LRMDA: variants seen among roughly 807,000 people sequenced by gnomAD.
LRMDA encodes leucine-rich melanocyte differentiation-associated protein.
Under a neutral mutation model 29.8 loss-of-function variants are expected in LRMDA, and 18 were observed. That is an observed-to-expected ratio of 0.60 (90% CI 0.42 to 0.90). LRMDA has a LOEUF of 0.90. Ranked by LOEUF, LRMDA falls within the 40% of genes least tolerant of loss-of-function variation. The pLI is 0.00. For synonymous variants in LRMDA, 125 were observed against 109.4 expected (o/e 1.14, Z -0.89); for missense variants, 273 against 273.9 (o/e 1.00, Z 0.02).
At chr10:75,665,007 CTT>C (rs768396028) in intron 2 of LRMDA, among the ~76,000 whole-genome samples, 1 of 152,310 alleles carries the variant, frequency 6.6e-6, no homozygotes, top group Middle Eastern at 3.4e-3. Flanking sequence ...GGTTCAGTGA[CTT>C]TCCCTGGCCC....
In LRMDA at chr10:75,608,103, A is replaced by AGT. The variant is rs77139956; in HGVS notation, c.131+169616_131+169617dup. Among the ~76,000 whole-genome samples the AGT allele has an allele frequency of 2.0e-3, 209 of 103,484 alleles. 4 individuals are homozygous for AGT. The highest frequency in any genetic ancestry group is 7.3e-3 in the African/African-American group (201 of 27,496). 67.9% of individuals were successfully genotyped at this position (103,484 alleles called of 152,430 possible). A position where few individuals can be genotyped will look rare whatever the true frequency, so the allele number is the denominator to read the frequency against. On this transcript the variant is annotated intron_variant, in intron 2 of 6. Coordinates refer to ENST00000611255, the MANE Select transcript of LRMDA (RefSeq NM_001305581.2). ...GATGGATGACTGGATCAAAAATTGT[A>AGT]GTGTGTGTATATATATATATATATA...
At chr10:76,153,590 G>T (rs1308949599) in intron 5 of LRMDA, among the ~76,000 whole-genome samples, 1 of 152,152 alleles carries the variant, frequency 6.6e-6, no homozygotes, top group Non-Finnish European at 1.5e-5. Context: ...GGGCATTCTT[G>T]TCAGGTTCTT....
At chr10:75,434,645 A>G (rs1844244794) in intron 1 of LRMDA, among the ~76,000 whole-genome samples, 1 of 152,222 alleles carries the variant, frequency 6.6e-6, no homozygotes, top group Non-Finnish European at 1.5e-5. Flanking sequence ...GACATGCAGT[A>G]GCGCAATCAT....
chr10:75,759,305 T>G (rs1843067709), intron 2 of LRMDA, among the ~76,000 whole-genome samples: 1 of 152,334 alleles, frequency 6.6e-6, no homozygotes, highest in East Asian at 1.9e-4. Context: ...TTTAAGAAGA[T>G]AAGCTTCTAA....
At chr10:76,401,183 C>G (rs1474865396) in intron 6 of LRMDA, among the ~76,000 whole-genome samples, 4 of 152,186 alleles carry the variant, frequency 2.6e-5, no homozygotes, top group African/African-American at 7.2e-5. Context: ...ATGGTATGCT[C>G]TCAGTGGATG....
At chr10:75,813,338 CAG>C (rs1218499080) in intron 2 of LRMDA, among the ~76,000 whole-genome samples, 2 of 152,142 alleles carry the variant, frequency 1.3e-5, no homozygotes, top group African/African-American at 4.8e-5. Flanking sequence ...ACTACCAGAC[CAG>C]AGTTTCTTGA....
chr10:75,626,140 G>A (rs897383873), intron 2 of LRMDA, among the ~76,000 whole-genome samples: 3 of 152,002 alleles, frequency 2.0e-5, no homozygotes, highest in African/African-American at 7.3e-5. Flanking sequence ...GGGATTACAG[G>A]TGTGAGCCAC....
intron 5 of LRMDA, among the ~76,000 whole-genome samples, chr10:76,109,317 C>G (rs748149211): frequency 1.3e-5 from 2 of 152,236 alleles, no homozygotes; most frequent in African/African-American, 2.4e-5. Context: ...AATGTTCACT[C>G]TATCCCCAAG....
intron 2 of LRMDA, among the ~76,000 whole-genome samples, chr10:75,626,609 A>G (rs905158307): frequency 1.3e-5 from 2 of 152,300 alleles, no homozygotes; most frequent in East Asian, 1.9e-4. Context: ...ATGTTTTCGT[A>G]TTAATTCCTG....
intron 2 of LRMDA, among the ~76,000 whole-genome samples, chr10:75,817,799 G>T (rs1844086665): frequency 6.6e-6 from 1 of 152,218 alleles, no homozygotes; most frequent in African/African-American, 2.4e-5. Context: ...ACTTGTTTTA[G>T]GTAGAATATT....
intron 2 of LRMDA, among the ~76,000 whole-genome samples, chr10:75,807,387 T>G (rs901829672): frequency 1.3e-5 from 2 of 152,234 alleles, no homozygotes; most frequent in African/African-American, 2.4e-5. Flanking sequence ...TGGGGCAGGA[T>G]GGCTCACATC....
intron 2 of LRMDA, among the ~76,000 whole-genome samples, chr10:75,712,451 G>T (rs972631599): frequency 6.6e-6 from 1 of 151,956 alleles, no homozygotes; most frequent in Non-Finnish European, 1.5e-5. Context: ...GCGGTTGGGG[G>T]GGTGGTGTGG....
rs373925529 is a variant in LRMDA at position 76,294,435 on chromosome 10, C to A, written c.517-29966C>A. On this transcript the variant is annotated intron_variant, in intron 5 of 6. Transcript: ENST00000611255. ...GTCTATCTTCATATTTCCCAAAGAA[C>A]GTATAAAACACATCTTATTTCCTTT... 7.2e-5 allele frequency among the ~76,000 whole-genome samples: 11 copies of A among 152,248 alleles called. No homozygotes were observed. The East Asian group carries it at 1.5e-3, about 21-fold the overall frequency.
At chr10:76,429,871 C>T (rs1024779159) in intron 6 of LRMDA, among the ~76,000 whole-genome samples, 2 of 152,132 alleles carry the variant, frequency 1.3e-5, no homozygotes, top group Non-Finnish European at 2.9e-5. Flanking sequence ...CACTTCCTCT[C>T]CTCTCTGCGT....
intron 2 of LRMDA, among the ~76,000 whole-genome samples, chr10:75,999,191 C>T (rs1847520529): frequency 1.3e-5 from 2 of 152,176 alleles, no homozygotes; most frequent in Admixed American, 1.3e-4. Flanking sequence ...ATGCCTAATT[C>T]TCTCTAGACT....
At chr10:75,733,448 G>C (rs1842723445) in intron 2 of LRMDA, among the ~76,000 whole-genome samples, 1 of 152,196 alleles carries the variant, frequency 6.6e-6, no homozygotes, top group Admixed American at 6.5e-5. Flanking sequence ...AAGGTAAACT[G>C]TTCTCCTTCT....
At chr10:76,290,810 G>A (rs978222753) in intron 5 of LRMDA, among the ~76,000 whole-genome samples, 2 of 152,158 alleles carry the variant, frequency 1.3e-5, no homozygotes, top group Middle Eastern at 3.2e-3. Context: ...TACCTTCAAG[G>A]TGGAGACATA....
chr10:76,270,955 AATT>A (rs1196163935), intron 5 of LRMDA, among the ~76,000 whole-genome samples: 4 of 152,190 alleles, frequency 2.6e-5, no homozygotes, highest in Non-Finnish European at 5.9e-5. Flanking sequence ...CATCAATAAC[AATT>A]ATTATTTTTA....
At chr10:76,082,441 C>T (rs1026779951) in intron 5 of LRMDA, among the ~76,000 whole-genome samples, 11 of 151,754 alleles carry the variant, frequency 7.2e-5, no homozygotes, top group Admixed American at 6.6e-4. Context: ...TGCTTTTGCC[C>T]GTGGGTTTCT....
Sources: allele counts gnomAD v4.1 joint callset (sites outside exome capture counted in the v4.1 genomes callset), GRCh38; gene constraint gnomAD v4.1.1; transcripts MANE v1.5; gene names NCBI Gene and HGNC (gene_info 2026-07-23, HGNC 2026-07-21).